The following LNX1 variants were observed in gnomAD, a reference collection of about 807,000 sequenced individuals.
LNX1 encodes the protein E3 ubiquitin-protein ligase LNX.
Under a neutral mutation model 68.4 loss-of-function variants are expected in LNX1, and 54 were observed. The observed-to-expected ratio is 0.79, with a 90% CI of 0.63 to 0.99. The LOEUF (loss-of-function observed/expected upper bound fraction) is 0.99, where lower values mean the gene tolerates loss of function less well. Ranked by LOEUF, LNX1 falls within the 50% of genes least tolerant of loss-of-function variation. LNX1 has a pLI of 0.00. For synonymous variants in LNX1, 336 were observed against 350.0 expected (o/e 0.96, Z 0.45); for missense variants, 906 against 926.4 (o/e 0.98, Z 0.29).
At chr4:53,479,814 T>G (rs1723802955) in intron 7 of LNX1, among the ~76,000 whole-genome samples, 1 of 152,212 alleles carries the variant, frequency 6.6e-6, no homozygotes, top group Admixed American at 6.5e-5. Flanking sequence ...TTGCTTTGGA[T>G]ATTTAGAATA....
upstream of LNX1, among the ~76,000 whole-genome samples, chr4:53,617,893 T>C (rs1733737667): frequency 6.6e-6 from 1 of 152,214 alleles, no homozygotes. Flanking sequence ...GTTTTCTCCA[T>C]ATAGAAAATT....
At chr4:53,614,466 A>T (rs1441808025) in intron 2 of LNX1, among the ~76,000 whole-genome samples, 1 of 152,122 alleles carries the variant, frequency 6.6e-6, no homozygotes, top group Admixed American at 6.5e-5. Flanking sequence ...TGACCCCCAC[A>T]CTAACCTTTC....
chr4:53,638,024 G>T (rs150026404), intron 1 of LNX1, among the ~76,000 whole-genome samples: 180 of 152,280 alleles, frequency 1.2e-3, no homozygotes, highest in Non-Finnish European at 1.8e-3. Flanking sequence ...CAGCCACGAT[G>T]GTGGCATTTT....
rs1173701420 is a variant in LNX1, at chr4:53,502,612, GACA to G, written c.776-3772_776-3770del. On this transcript the variant is annotated intron_variant, in intron 4 of 10. Coordinates refer to ENST00000263925, the MANE Select transcript of LNX1 (RefSeq NM_001126328.3). ...GTGGCTTGGCAATTTCTTAAAATAA[GACA>G]ACAATGAAGTTTGCCACATGAACTG... 1.1e-3 allele frequency among the ~76,000 whole-genome samples: 160 copies of G among 152,088 alleles called. 2 individuals are homozygous for G. The highest frequency in any genetic ancestry group is 1.2e-4 in the Non-Finnish European group (8 of 68,016).
At chr4:53,605,902 C>A (rs1010661516) in intron 2 of LNX1, among the ~76,000 whole-genome samples, 9 of 152,270 alleles carry the variant, frequency 5.9e-5, no homozygotes, top group Non-Finnish European at 1.2e-4. Flanking sequence ...GCAGCAATCA[C>A]CAGATATCAG....
chr4:53,576,393 C>A, intron 1 of LNX1: 2 of 1,560,842 alleles, frequency 1.3e-6, no homozygotes, highest in East Asian at 2.3e-5. Context: ...ACTGACCCCT[C>A]ACATGACCAG....
At chr4:53,554,183 T>C (rs1259366354) in intron 2 of LNX1, among the ~76,000 whole-genome samples, 2 of 152,208 alleles carry the variant, frequency 1.3e-5, no homozygotes, top group African/African-American at 4.8e-5. Flanking sequence ...CTCTCGCCAT[T>C]GGACTATATG....
At chr4:53,579,959 T>A (rs1055396454) in intron 1 of LNX1, among the ~76,000 whole-genome samples, 2 of 152,180 alleles carry the variant, frequency 1.3e-5, no homozygotes, top group African/African-American at 4.8e-5. Flanking sequence ...TTTCTAGTAA[T>A]AGGAGGAGGA....
At chr4:53,514,622 A>G (rs1368734683) in intron 2 of LNX1, among the ~76,000 whole-genome samples, 3 of 150,826 alleles carry the variant, frequency 2.0e-5, no homozygotes, top group African/African-American at 4.9e-5. Context: ...AACATGTGGG[A>G]ATTAGGGGAG....
chr4:53,507,570 C>T, intron 3 of LNX1, 101 bp from the exon 4 acceptor site: 1 of 1,304,160 alleles, frequency 7.7e-7, no homozygotes, highest in Non-Finnish European at 1.1e-6. Flanking sequence ...TTAACAGTGA[C>T]TACCTCTGGG....
chr4:53,552,170 A>G (rs985485502), intron 2 of LNX1, among the ~76,000 whole-genome samples: 6 of 152,166 alleles, frequency 3.9e-5, no homozygotes, highest in Admixed American at 3.9e-4. Flanking sequence ...AGCTAGTGGC[A>G]CCAGTTTCCA....
At chr4:53,619,231 A>G (rs190850649), upstream of LNX1, among the ~76,000 whole-genome samples, 2 of 152,306 alleles carry the variant, frequency 1.3e-5, no homozygotes, top group East Asian at 3.9e-4. Flanking sequence ...CGTACACTTT[A>G]GTGGTTTTTA....
intron 1 of LNX1, among the ~76,000 whole-genome samples, chr4:53,575,359 A>C (rs1234790950): frequency 6.6e-6 from 1 of 152,198 alleles, no homozygotes; most frequent in African/African-American, 2.4e-5. Flanking sequence ...AACAATAATC[A>C]AGTTTTTCAA....
At chr4:53,571,744 C>T (rs532074000) in intron 2 of LNX1, among the ~76,000 whole-genome samples, 15 of 152,254 alleles carry the variant, frequency 9.9e-5, no homozygotes, top group Admixed American at 2.6e-4. Flanking sequence ...TCACTTCACC[C>T]TCAACTCCCA....
At chr4:53,584,548 A>G (rs1032913864) in intron 1 of LNX1, among the ~76,000 whole-genome samples, 1 of 152,154 alleles carries the variant, frequency 6.6e-6, no homozygotes, top group African/African-American at 2.4e-5. Context: ...GGTCCTTGGG[A>G]AGGATCACGA....
upstream of LNX1, among the ~76,000 whole-genome samples, chr4:53,620,193 C>G (rs1432671070): frequency 6.6e-6 from 1 of 152,214 alleles, no homozygotes; most frequent in East Asian, 1.9e-4. Flanking sequence ...GTCTATTTAT[C>G]TATCTACCTA....
At chr4:53,515,292 G>T (rs1317996940) in intron 2 of LNX1, among the ~76,000 whole-genome samples, 2 of 152,212 alleles carry the variant, frequency 1.3e-5, no homozygotes, top group Non-Finnish European at 1.5e-5. Context: ...TGGCCACAGA[G>T]CTATACAGTA....
chr4:53,566,222 G>A (rs1032108916), intron 2 of LNX1, among the ~76,000 whole-genome samples: 3 of 151,280 alleles, frequency 2.0e-5, no homozygotes, highest in African/African-American at 7.3e-5. Flanking sequence ...TGAAATGAAG[G>A]AAAAAATGTT....
At position 53,508,234 on chromosome 4, in the gene LNX1, C is replaced by G; in HGVS notation, c.381-7G>C. 6.2e-7 allele frequency: 1 copy of G among 1,611,242 alleles called. No homozygotes were observed. The highest frequency in any genetic ancestry group is 8.5e-7 in the Non-Finnish European group (1 of 1,177,528). On this transcript the variant is annotated splice_region_variant and splice_polypyrimidine_tract_variant and intron_variant, in intron 2 of 10. Coordinates refer to ENST00000263925, the MANE Select transcript of LNX1 (RefSeq NM_001126328.3). ...GTGGGAGGCACCTTTACAGCTGTAA[C>G]AGAACCAGCGGGGAGGTGAAGAAGA...
Sources: allele counts gnomAD v4.1 joint callset (sites outside exome capture counted in the v4.1 genomes callset), GRCh38; gene constraint gnomAD v4.1.1; transcripts MANE v1.5; gene names NCBI Gene and HGNC (gene_info 2026-07-23, HGNC 2026-07-21).